Variants in CHST9 observed in about 807,000 individuals in gnomAD.
CHST9 encodes GalNAc-4-sulfotransferase 2.
A neutral mutation model predicts 44.4 loss-of-function variants in CHST9; 41 were observed. The ratio of observed to expected loss-of-function variants is 0.92; its 90% CI spans 0.72 to 1.20. The LOEUF is 1.20. Among genes scored for constraint, CHST9 ranks in the 50% most tolerant of loss-of-function variants. CHST9 has a pLI of 0.00. For synonymous variants in CHST9, 171 were observed against 178.4 expected, an observed-to-expected ratio of 0.96 and a Z score of 0.33; for missense variants, 504 against 516.5, an observed-to-expected ratio of 0.98 and a Z score of 0.23.
intron 3 of CHST9, among the ~76,000 whole-genome samples, chr18:27,041,716 T>A (rs2057446992): frequency 6.6e-6 from 1 of 152,268 alleles, no homozygotes; most frequent in South Asian, 2.1e-4. Context: ...CTCCTTTAAA[T>A]GCAGTGTTAC....
intron 5 of CHST9, among the ~76,000 whole-genome samples, chr18:26,932,115 G>A (rs2055889388): frequency 6.6e-6 from 1 of 152,152 alleles, no homozygotes; most frequent in South Asian, 2.1e-4. Flanking sequence ...ACCTTTGGTT[G>A]CTTCAGCTCT....
chr18:27,002,951 TA>T (rs1248145937), intron 4 of CHST9, among the ~76,000 whole-genome samples: 5 of 152,176 alleles, frequency 3.3e-5, no homozygotes, highest in Non-Finnish European at 5.9e-5. Flanking sequence ...AAACTGAAAT[TA>T]AAATTAATTT....
intron 4 of CHST9, among the ~76,000 whole-genome samples, chr18:26,986,486 G>A (rs1328709668): frequency 6.6e-6 from 1 of 152,096 alleles, no homozygotes; most frequent in African/African-American, 2.4e-5. Flanking sequence ...TGGACTACCT[G>A]AAAAGAGGAG....
At chr18:27,060,115 G>A (rs1273120008) in intron 2 of CHST9, among the ~76,000 whole-genome samples, 5 of 152,186 alleles carry the variant, frequency 3.3e-5, no homozygotes, top group African/African-American at 9.7e-5. Context: ...AGCACATCTT[G>A]TTGAGTGTCT....
At chr18:26,979,077 T>C (rs7233796) in intron 4 of CHST9, among the ~76,000 whole-genome samples, 3,344 of 152,200 alleles carry the variant, frequency 0.022, 135 homozygotes, top group African/African-American at 0.076. Flanking sequence ...AAGGGTCTTT[T>C]ATCCTTGAGC....
chr18:26,931,242 G>A (rs907547523), intron 5 of CHST9, among the ~76,000 whole-genome samples: 3 of 152,106 alleles, frequency 2.0e-5, no homozygotes, highest in African/African-American at 7.2e-5. Context: ...CTGCACCTTG[G>A]GAGGAACAAA....
At chr18:26,947,991 C>A (rs150924699) in intron 4 of CHST9, among the ~76,000 whole-genome samples, 2,723 of 152,210 alleles carry the variant, frequency 0.018, 84 homozygotes, top group African/African-American at 0.062. Flanking sequence ...AGACTTGGAA[C>A]CAACCTAAAT....
chr18:27,106,877 T>G (rs547582887), intron 2 of CHST9, among the ~76,000 whole-genome samples: 12 of 152,310 alleles, frequency 7.9e-5, no homozygotes, highest in Non-Finnish European at 1.3e-4. Context: ...ATCTTTTTCA[T>G]CAATAAAAAG....
At chr18:27,149,981 C>T (rs1302122847) in intron 1 of CHST9, among the ~76,000 whole-genome samples, 1 of 151,862 alleles carries the variant, frequency 6.6e-6, no homozygotes, top group African/African-American at 2.4e-5. Context: ...AAGTTTTTGT[C>T]AGACTGCAAT....
intron 4 of CHST9, among the ~76,000 whole-genome samples, chr18:26,970,138 C>G (rs2056522941): frequency 6.6e-6 from 1 of 152,198 alleles, no homozygotes; most frequent in Admixed American, 6.5e-5. Flanking sequence ...ACCAGTGTCT[C>G]TGCCTCCAGT....
Position 27,097,201 on chromosome 18 carries a change from T to C in CHST9, c.121+45488A>G, listed in dbSNP as rs561451947. Reference sequence around the variant, plus strand: ...ATGATCATCTCAATAGATGCAGAAATAGTTTTCAAAATTCTTGAGAAACTA... The same window carrying C: ...ATGATCATCTCAATAGATGCAGAAACAGTTTTCAAAATTCTTGAGAAACTA... On this transcript the variant is annotated intron_variant, in intron 2 of 5. Coordinates refer to ENST00000618847, the MANE Select transcript of CHST9 (RefSeq NM_031422.6). Among the ~76,000 whole-genome samples the C allele has an allele frequency of 4.1e-4, 62 of 151,218 alleles. 1 individual carries two copies. The South Asian group carries it at 4.4e-3, about 11-fold the overall frequency.
chr18:27,136,773 T>C (rs970010539), intron 2 of CHST9, among the ~76,000 whole-genome samples: 1 of 152,170 alleles, frequency 6.6e-6, no homozygotes, highest in Admixed American at 6.5e-5. Context: ...ACATGTAAAA[T>C]TGTTATAAAT....
rs2055552147 is a variant in CHST9, at chr18:26,917,264, T to C, written c.327A>G (p.Thr109=). 6.2e-7 allele frequency: 1 copy of C among 1,613,766 alleles called. No individual in the cohort carries two copies. The highest frequency in any genetic ancestry group is 1.3e-5 in the African/African-American group (1 of 74,894). Residue 109 remains threonine (T), a synonymous_variant, in exon 6 of 6, where the codon ACA becomes ACG. Transcript: ENST00000618847. Reference sequence around the variant, plus strand: ...CCCCTCCTTGTGAATGACTGGTCTTTGTTAAGAGCCTAGTAGATCTCTCAG... The same window carrying C: ...CCCCTCCTTGTGAATGACTGGTCTTCGTTAAGAGCCTAGTAGATCTCTCAG... ...LNSERSTRLL[T]KTSHSQGGDQ...
intron 4 of CHST9, among the ~76,000 whole-genome samples, chr18:26,953,299 T>A (rs1416689670): frequency 6.6e-6 from 1 of 152,106 alleles, no homozygotes; most frequent in Non-Finnish European, 1.5e-5. Flanking sequence ...TTGGGGAGAA[T>A]AATGGTGATG....
intron 5 of CHST9, among the ~76,000 whole-genome samples, chr18:26,932,121 G>A (rs776830419): frequency 2.0e-4 from 31 of 152,094 alleles, no homozygotes; most frequent in Non-Finnish European, 4.3e-4. Context: ...GGTTGCTTCA[G>A]CTCTCCAGTT....
At chr18:26,984,017 G>A (rs924065198) in intron 4 of CHST9, among the ~76,000 whole-genome samples, 1 of 152,018 alleles carries the variant, frequency 6.6e-6, no homozygotes, top group Non-Finnish European at 1.5e-5. Flanking sequence ...TACCAGCTTG[G>A]TTTTTCACTA....
intron 1 of CHST9, among the ~76,000 whole-genome samples, chr18:27,156,905 T>C (rs2058702057): frequency 6.6e-6 from 1 of 152,096 alleles, no homozygotes; most frequent in African/African-American, 2.4e-5. Flanking sequence ...TGCTCAATAT[T>C]AAACAGTGTC....
At chr18:27,134,513 T>C (rs952711392) in intron 2 of CHST9, among the ~76,000 whole-genome samples, 1 of 152,202 alleles carries the variant, frequency 6.6e-6, no homozygotes, top group African/African-American at 2.4e-5. Flanking sequence ...CCATCTATTC[T>C]GGCCAACTTG....
At chr18:27,163,590 C>T (rs1053260881) in intron 1 of CHST9, among the ~76,000 whole-genome samples, 4 of 152,316 alleles carry the variant, frequency 2.6e-5, no homozygotes, top group South Asian at 2.1e-4. Context: ...AGCGAGGCTC[C>T]GTGGGCGTAG....
Sources: gnomAD v4.1 joint callset for allele counts (sites outside exome capture counted in the v4.1 genomes callset) on GRCh38, gnomAD v4.1.1 for gene constraint, MANE v1.5 for transcripts, NCBI Gene and HGNC (gene_info 2026-07-23, HGNC 2026-07-21) for gene names.